Variants in GLUD1 observed in about 807,000 individuals in gnomAD.
GLUD1 encodes the protein glutamate dehydrogenase 1, mitochondrial.
GLUD1 carries 22 observed loss-of-function variants against 56.0 expected under a neutral mutation model. The ratio of observed to expected loss-of-function variants is 0.39; its 90% CI spans 0.28 to 0.56. The LOEUF (loss-of-function observed/expected upper bound fraction) is 0.56, where lower values mean the gene tolerates loss of function less well. GLUD1 is among the 20% of genes least tolerant of loss of function. The pLI is 0.58. For missense variants in GLUD1, 451 were observed against 732.0 expected, an observed-to-expected ratio of 0.62 and a Z score of 4.43; for synonymous variants, 223 against 269.9, an observed-to-expected ratio of 0.83 and a Z score of 1.70.
In GLUD1 at chr10:87,061,069, C is replaced by A. The variant is rs915849965; in HGVS notation, c.922-17G>T. ...ACCAAATCCCTGTGAAGAACAATTA[C>A]CCATAACACAAAAATTAAAGTCCTG... On this transcript the variant is annotated splice_polypyrimidine_tract_variant and intron_variant, in intron 6 of 12. Transcript: ENST00000277865. 3.7e-6 allele frequency: 6 copies of A among 1,610,506 alleles called. No individual in the cohort carries two copies. The highest frequency in any genetic ancestry group is 4.2e-6 in the Non-Finnish European group (5 of 1,176,760).
At chr10:87,055,455 T>A (rs1057477485) in intron 11 of GLUD1, among the ~76,000 whole-genome samples, 2 of 152,036 alleles carry the variant, frequency 1.3e-5, no homozygotes, top group African/African-American at 4.8e-5. Context: ...AGGCATATGC[T>A]GGGCAGTGGG....
chr10:87,074,704 C>T, intron 3 of GLUD1, 90 bp from the exon 4 acceptor site: 1 of 786,478 alleles, frequency 1.3e-6, no homozygotes, highest in Non-Finnish European at 2.3e-6. Flanking sequence ...ATTTATAGTA[C>T]ATTTTCATAT....
rs1300385249 is a variant in GLUD1, at chr10:87,070,418, GTAAAACCCCGTCTCTAC to G, written c.647-2278_647-2262del. On this transcript the variant is annotated intron_variant, in intron 4 of 12. Coordinates refer to ENST00000277865, the MANE Select transcript of GLUD1 (RefSeq NM_005271.5). ...GAGAGAGACCATCCTGGCCAACGTGGTAAAACCCCGTCTCTACTAAAAATACAAAAATTAGCTGGGGG... is the reference window on the plus strand; with the variant it reads ...GAGAGAGACCATCCTGGCCAACGTGGTAAAAATACAAAAATTAGCTGGGGG... Among the ~76,000 whole-genome samples, 3 of 152,232 alleles carry G rather than the reference GTAAAACCCCGTCTCTAC, an allele frequency of 2.0e-5. No homozygotes were observed. The East Asian group carries it at 5.8e-4, about 29-fold the overall frequency.
At chr10:87,062,521 T>C in intron 6 of GLUD1, 135 bp downstream of exon 6, 1 of 743,820 alleles carries the variant, frequency 1.3e-6, no homozygotes, top group Non-Finnish European at 2.3e-6. Flanking sequence ...AAATATCTAT[T>C]ACTCTGAAAA....
intron 10 of GLUD1, 90 bp from the exon 11 acceptor site, chr10:87,057,872 A>G: frequency 1.3e-6 from 1 of 747,230 alleles, no homozygotes; most frequent in East Asian, 2.6e-5. Context: ...TATAACTGTA[A>G]CCCAAAAACT....
intron 10 of GLUD1, 115 bp from the exon 11 acceptor site, chr10:87,057,897 C>T (rs574808827): frequency 2.8e-5 from 19 of 673,850 alleles, no homozygotes; most frequent in Non-Finnish European, 2.9e-5. Context: ...CAGACAGAGT[C>T]GTGGTCTGTC....
At chr10:87,056,309 T>G (rs1413409347) in intron 11 of GLUD1, among the ~76,000 whole-genome samples, 2 of 150,280 alleles carry the variant, frequency 1.3e-5, no homozygotes, top group Non-Finnish European at 3.0e-5. Flanking sequence ...TTTTTTTTTT[T>G]GAGATGGAGT....
At position 87,062,672 on chromosome 10, in the gene GLUD1, T is replaced by C. The variant is rs755726891; in HGVS notation, c.905A>G (p.Lys302Arg). 6.2e-7 allele frequency: 1 copy of C among 1,613,954 alleles called. No individual in the cohort carries two copies. Among genetic ancestry groups the C allele is most frequent in the Non-Finnish European group, 8.5e-7 (1 of 1,179,858 alleles). The change falls in exon 6 of 13, where the codon AAA (lysine) becomes AGA (arginine). Residue 302 changes from lysine (K) to arginine (R), a missense_variant. Physicochemically the swap from Lys to Arg is conservative, Grantham distance 26. Transcript: ENST00000277865. ...ILGMTPGFGD[K>R]TFVVQGFGNV... is the part of the protein sequence containing the mutation. The stretch of plus-strand genomic sequence containing the variant: ...TGTTTTTACCTGAACAACAAATGTT[T>C]TATCTCCAAACCCTGGTGTCATTCC...
intron 1 of GLUD1, among the ~76,000 whole-genome samples, chr10:87,086,839 A>G (rs1328327961): frequency 6.6e-6 from 1 of 151,476 alleles, no homozygotes; most frequent in Non-Finnish European, 1.5e-5. Flanking sequence ...AAAGAAAAAA[A>G]AAAAAAAAAA....
chr10:87,094,789 G>T lies in GLUD1; in HGVS notation c.-20C>A. On this transcript the variant is annotated 5_prime_UTR_variant, in exon 1 of 13. Transcript: ENST00000277865. The surrounding 1 kb of genome is among the most constrained non-coding windows in gnomAD (Gnocchi z 6.6). ...GTACATGGCCACAAGCGGAGGGGAG[G>T]TGCGTGATGGTCGCGAAACAGGCGC... 6.6e-7 allele frequency: 1 copy of T among 1,521,016 alleles called. No individual in the cohort carries two copies. Among genetic ancestry groups the T allele is most frequent in the Non-Finnish European group, 8.9e-7 (1 of 1,127,246 alleles). 94.2% of individuals were successfully genotyped at this position (1,521,016 alleles called of 1,614,324 possible).
chr10:87,086,491 G>C (rs4934294), intron 1 of GLUD1, among the ~76,000 whole-genome samples: 48,586 of 151,868 alleles, frequency 0.32, 7,831 homozygotes, highest in Middle Eastern at 0.36. Flanking sequence ...AGCTTTCTGT[G>C]CCCTGCTAGA....
chr10:87,062,951 AGTGT>A, intron 5 of GLUD1, 116 bp from the exon 6 acceptor site: 6 of 937,242 alleles, frequency 6.4e-6, no homozygotes, highest in South Asian at 1.4e-5. Context: ...GCTAATTAGG[AGTGT>A]GTGTATGAAT....
Position 87,053,336 on chromosome 10 carries a change from A to G in GLUD1, c.1557+6T>C. ...GCTGGAAGGCAAACAGCATCTGCAC[A>G]CATACCCTGGCAGAACGCTCCATTG... On this transcript the variant is annotated splice_donor_region_variant and intron_variant, in intron 12 of 12. Transcript: ENST00000277865. The G allele has an allele frequency of 1.3e-6, 2 of 1,599,890 alleles. No individual in the cohort carries two copies. Among genetic ancestry groups the G allele is most frequent in the Non-Finnish European group, 1.7e-6 (2 of 1,166,956 alleles).
At chr10:87,092,476 A>G (rs1841531194) in intron 1 of GLUD1, 1 of 163,982 alleles carries the variant, frequency 6.1e-6, no homozygotes. Flanking sequence ...CTCTAGTACA[A>G]GCAAGTGCTA....
chr10:87,063,993 C>A (rs1430883774), intron 5 of GLUD1, among the ~76,000 whole-genome samples: 1 of 152,156 alleles, frequency 6.6e-6, no homozygotes, highest in African/African-American at 2.4e-5. Flanking sequence ...ATTCTCCTGC[C>A]TCAGCCTCCC....
rs145446744 is a variant in GLUD1, at chr10:87,069,655, A to G, written c.647-1498T>C. On this transcript the variant is annotated intron_variant, in intron 4 of 12. Coordinates refer to ENST00000277865, the MANE Select transcript of GLUD1 (RefSeq NM_005271.5). ...AATCAGTATATTGTAATGTTTTTCT[A>G]TAACTCAGGGGCCCAAGGCCTAAAT... 7.9e-3 allele frequency among the ~76,000 whole-genome samples: 1,205 copies of G among 152,096 alleles called. 19 individuals carry two copies. Among genetic ancestry groups the G allele is most frequent in the African/African-American group, 0.028 (1,158 of 41,492 alleles).
At chr10:87,076,754 T>C (rs1202085227) in intron 1 of GLUD1, 98 bp from the exon 2 acceptor site, 6 of 796,812 alleles carry the variant, frequency 7.5e-6, no homozygotes, top group Non-Finnish European at 1.4e-5. Context: ...AAGCTACAAA[T>C]TGAAAATATC....
At chr10:87,051,987 C>A in intron 12 of GLUD1, 117 bp from the exon 13 acceptor site, 1 of 1,203,600 alleles carries the variant, frequency 8.3e-7, no homozygotes, top group African/African-American at 1.5e-5. Flanking sequence ...CAAGGCAGGA[C>A]TTGGGCAGCC....
intron 11 of GLUD1, among the ~76,000 whole-genome samples, chr10:87,056,125 A>AC (rs1344036612): frequency 3.7e-4 from 34 of 92,982 alleles, no homozygotes; most frequent in African/African-American, 1.1e-3. Context: ...CAAAAAAAAA[A>AC]AAAAAAAAAA....
Sources: gnomAD v4.1 joint callset for allele counts (sites outside exome capture counted in the v4.1 genomes callset) on GRCh38, gnomAD v4.1.1 for gene constraint, Gnocchi (gnomAD v3.1) non-coding constraint, MANE v1.5 for transcripts, NCBI Gene and HGNC (gene_info 2026-07-23, HGNC 2026-07-21) for gene names.